CBFA2T2: variants seen among roughly 807,000 people sequenced by gnomAD.
CBFA2T2 encodes protein CBFA2T2.
A neutral mutation model predicts 62.2 loss-of-function variants in CBFA2T2; 11 were observed. The ratio of observed to expected loss-of-function variants is 0.18; its 90% CI spans 0.11 to 0.29. The LOEUF (loss-of-function observed/expected upper bound fraction) is 0.29. CBFA2T2 is among the 10% of genes least tolerant of loss of function. The pLI is 1.00. For synonymous variants in CBFA2T2, 295 were observed against 287.5 expected (o/e 1.03, Z -0.27); for missense variants, 592 against 774.1 (o/e 0.76, Z 2.79).
At chr20:33,557,904 C>T (rs149739641) in intron 1 of CBFA2T2, among the ~76,000 whole-genome samples, 70 of 151,690 alleles carry the variant, frequency 4.6e-4, no homozygotes, top group African/African-American at 1.5e-3. Flanking sequence ...GGCGCGATCT[C>T]GGCTCACCGC....
chr20:33,558,850 A>G (rs1318955155), intron 1 of CBFA2T2, among the ~76,000 whole-genome samples: 1 of 150,582 alleles, frequency 6.6e-6, no homozygotes, highest in African/African-American at 2.5e-5. Flanking sequence ...TTGAATCTTT[A>G]TTTTAGATTC....
chr20:33,579,554 C>CT (rs76190498), intron 1 of CBFA2T2, among the ~76,000 whole-genome samples: 5,813 of 125,308 alleles, frequency 0.046, 159 homozygotes, highest in Middle Eastern at 0.11. Context: ...CATCACGAAT[C>CT]TTTTTTTTTT....
At chr20:33,581,282 C>T (rs934788060) in intron 1 of CBFA2T2, among the ~76,000 whole-genome samples, 2 of 152,204 alleles carry the variant, frequency 1.3e-5, no homozygotes, top group African/African-American at 4.8e-5. Flanking sequence ...GGGTCTCAAA[C>T]TCATGATCTT....
intron 1 of CBFA2T2, among the ~76,000 whole-genome samples, chr20:33,496,041 A>G (rs937084010): frequency 1.3e-5 from 2 of 152,208 alleles, no homozygotes; most frequent in Non-Finnish European, 2.9e-5. Context: ...AGGTAATGAT[A>G]AAGTGTTTTA....
intron 3 of CBFA2T2, among the ~76,000 whole-genome samples, chr20:33,615,543 G>A (rs764549270): frequency 1.3e-5 from 2 of 152,138 alleles, no homozygotes; most frequent in Non-Finnish European, 2.9e-5. Flanking sequence ...GTCTCATTCT[G>A]GTTCAGAGGC....
chr20:33,510,496 C>G (rs183878861), intron 1 of CBFA2T2, among the ~76,000 whole-genome samples: 221 of 152,242 alleles, frequency 1.5e-3, no homozygotes, highest in Middle Eastern at 3.4e-3. Context: ...CAGGCGTGAG[C>G]CACCACGCCC....
chr20:33,636,760 A>G (rs2016649300), intron 9 of CBFA2T2, 52 bp downstream of exon 9: 1 of 1,341,928 alleles, frequency 7.5e-7, no homozygotes, highest in African/African-American at 1.4e-5. Context: ...TTGTGGGAGC[A>G]GAGAACAGAT....
At chr20:33,631,731 C>G (rs1183262911) in intron 8 of CBFA2T2, among the ~76,000 whole-genome samples, 1 of 152,202 alleles carries the variant, frequency 6.6e-6, no homozygotes, top group Admixed American at 6.5e-5. Flanking sequence ...ACTAGCATTT[C>G]CCTCATTCTC....
rs116652285 is a variant in CBFA2T2, at chr20:33,640,314, G to T, written c.1298-27G>T. On this transcript the variant is annotated intron_variant, in intron 9 of 10. Coordinates refer to ENST00000342704, the MANE Select transcript of CBFA2T2 (RefSeq NM_001032999.3). The stretch of plus-strand genomic sequence containing the variant: ...TGGGAGGGAAAAGATTTCTCGGCCA[G>T]TTGATTTTACTGTCACTTTCTTCTA... The T allele has an allele frequency of 2.2e-4, 357 of 1,600,412 alleles. 1 individual carries two copies. The African/African-American group carries it at 4.6e-3, about 21-fold the overall frequency.
intron 4 of CBFA2T2, among the ~76,000 whole-genome samples, chr20:33,620,346 CA>C (rs760980806): frequency 2.1e-5 from 3 of 141,732 alleles, no homozygotes; most frequent in Non-Finnish European, 3.1e-5. Context: ...CCGTCTCTGC[CA>C]AAAAAAAATA....
intron 1 of CBFA2T2, among the ~76,000 whole-genome samples, chr20:33,604,149 A>G (rs904552831): frequency 2.0e-5 from 3 of 152,216 alleles, no homozygotes; most frequent in African/African-American, 7.2e-5. Context: ...TGTTGATAGT[A>G]TACCTATTTT....
At chr20:33,539,853 A>AT (rs937071812) in intron 1 of CBFA2T2, among the ~76,000 whole-genome samples, 23 of 148,250 alleles carry the variant, frequency 1.6e-4, no homozygotes, top group African/African-American at 2.7e-4. Context: ...TGCCTGGATA[A>AT]TTTTTTTTTT....
At chr20:33,499,598 A>G (rs997329181) in intron 1 of CBFA2T2, among the ~76,000 whole-genome samples, 1 of 152,220 alleles carries the variant, frequency 6.6e-6, no homozygotes, top group African/African-American at 2.4e-5. Context: ...TTGGGGTACC[A>G]TAACTTGAAC....
intron 1 of CBFA2T2, among the ~76,000 whole-genome samples, chr20:33,604,921 G>C (rs901344231): frequency 6.6e-6 from 1 of 152,190 alleles, no homozygotes; most frequent in African/African-American, 2.4e-5. Flanking sequence ...AGGAAGAAAA[G>C]GCAAGCGCAA....
intron 1 of CBFA2T2, among the ~76,000 whole-genome samples, chr20:33,543,228 G>C (rs959708027): frequency 1.1e-4 from 16 of 151,730 alleles, no homozygotes; most frequent in African/African-American, 3.6e-4. Context: ...GGTCAGGCTG[G>C]TCTTAACTCC....
At chr20:33,556,862 A>G (rs1394076393) in intron 1 of CBFA2T2, among the ~76,000 whole-genome samples, 2 of 152,122 alleles carry the variant, frequency 1.3e-5, no homozygotes, top group Non-Finnish European at 2.9e-5. Flanking sequence ...CTAATCCATT[A>G]CTATCATTAT....
intron 1 of CBFA2T2, among the ~76,000 whole-genome samples, chr20:33,568,709 A>G (rs1223669014): frequency 6.6e-6 from 1 of 152,026 alleles, no homozygotes; most frequent in Non-Finnish European, 1.5e-5. Context: ...TGAAACCCCC[A>G]TGTCCCTCAA....
intron 3 of CBFA2T2, among the ~76,000 whole-genome samples, chr20:33,616,084 GATAGATA>G (rs1568854489): frequency 4.2e-4 from 49 of 117,944 alleles, no homozygotes; most frequent in African/African-American, 1.5e-3. Context: ...GATAGAGATA[GATAGATA>G]GATAGATAGA....
intron 5 of CBFA2T2, chr20:33,624,034 T>C: frequency 3.7e-6 from 2 of 540,960 alleles, no homozygotes; most frequent in Non-Finnish European, 6.5e-6. Flanking sequence ...GTCAAACGCA[T>C]TTTTTTCTGA....
Sources: gnomAD v4.1 joint callset for allele counts (sites outside exome capture counted in the v4.1 genomes callset) on GRCh38, gnomAD v4.1.1 for gene constraint, MANE v1.5 for transcripts, NCBI Gene and HGNC (gene_info 2026-07-23, HGNC 2026-07-21) for gene names.